CEP290: variants seen among roughly 807,000 people sequenced by gnomAD.
The protein encoded by CEP290 is centrosomal protein 290.
In CEP290, 317 loss-of-function variants were observed where a neutral mutation model predicts 344.9. The observed-to-expected ratio is 0.92, with a 90% CI of 0.84 to 1.01. The LOEUF is 1.01. Ranked by LOEUF, CEP290 falls within the 50% of genes least tolerant of loss-of-function variation. CEP290 has a pLI of 0.00. For missense variants in CEP290, 2,754 were observed against 2,761.4 expected (o/e 1.00, Z 0.06); for synonymous variants, 932 against 895.8 (o/e 1.04, Z -0.72).
At chr12:88,053,983 A>G (rs1181383927) in intron 51 of CEP290, among the ~76,000 whole-genome samples, 2 of 152,164 alleles carry the variant, frequency 1.3e-5, no homozygotes, top group Non-Finnish European at 2.9e-5. Context: ...TGGTTTCGTT[A>G]TAAGAGGAGC....
intron 13 of CEP290, among the ~76,000 whole-genome samples, chr12:88,121,613 CAAAAAAA>C (rs34457278): frequency 7.3e-6 from 1 of 136,976 alleles, no homozygotes; most frequent in Non-Finnish European, 1.6e-5. Context: ...ATGTGAATTT[CAAAAAAA>C]AAAAAAAAAA....
intron 9 of CEP290, 29 bp downstream of exon 9, chr12:88,130,239 T>C (rs745760338): frequency 6.4e-6 from 10 of 1,564,542 alleles, no homozygotes; most frequent in Non-Finnish European, 7.7e-6. Context: ...TAGGAACCAT[T>C]GCTCTGAATT....
intron 44 of CEP290, among the ~76,000 whole-genome samples, chr12:88,067,506 C>T (rs544453590): frequency 1.7e-4 from 26 of 152,314 alleles, no homozygotes; most frequent in African/African-American, 5.3e-4. Flanking sequence ...CACTAAGCCA[C>T]GGCATCAGCA....
intron 26 of CEP290, 69 bp downstream of exon 26, chr12:88,102,769 C>T (rs1318670244): frequency 9.2e-6 from 12 of 1,298,364 alleles, no homozygotes; most frequent in African/African-American, 1.5e-5. Context: ...TCTGCCAAAT[C>T]CCCCCAAACA....
intron 32 of CEP290, among the ~76,000 whole-genome samples, chr12:88,087,458 C>T (rs148324063): frequency 2.0e-5 from 3 of 152,154 alleles, no homozygotes; most frequent in Non-Finnish European, 4.4e-5. Flanking sequence ...TAGGGGCTCA[C>T]GCCTGTAATC....
Position 88,103,268 on chromosome 12 carries a change from T to A in CEP290, c.2818-257A>T, listed in dbSNP as rs1414146348. 5 of 221,682 alleles carry A rather than the reference T, an allele frequency of 2.3e-5. No individual in the cohort carries two copies. The East Asian group carries it at 4.8e-4, about 21-fold the overall frequency. 13.7% of individuals were successfully genotyped at this position (221,682 alleles called of 1,614,324 possible). ...TCATTGTAAAATAAAACTCAATTAA[T>A]TTGAGAAAACATAACAAACAGCAGG... On this transcript the variant is annotated intron_variant, in intron 25 of 53. Coordinates refer to ENST00000552810, the MANE Select transcript of CEP290 (RefSeq NM_025114.4).
intron 44 of CEP290, among the ~76,000 whole-genome samples, chr12:88,066,945 C>T (rs941178394): frequency 1.1e-4 from 16 of 152,282 alleles, no homozygotes; most frequent in South Asian, 4.1e-4. Context: ...ACAATATAGA[C>T]AGCAACACAT....
At position 88,128,991 on chromosome 12, in the gene CEP290, A is replaced by G; in HGVS notation, c.897T>C (p.Asp299=). The change falls in exon 11 of 54, where the codon GAT becomes GAC. Residue 299 remains aspartate (D), a synonymous_variant. Coordinates refer to ENST00000552810, the MANE Select transcript of CEP290 (RefSeq NM_025114.4). Reference sequence around the variant, plus strand: ...CATTGACAGCTACCATAATTGGATCATCTTCTTCATTTTTTGATTTCAGAA... The same window carrying G: ...CATTGACAGCTACCATAATTGGATCGTCTTCTTCATTTTTTGATTTCAGAA... ...TDLLKSKNEE[D]DPIMVAVNAK... The G allele has an allele frequency of 6.5e-7, 1 of 1,539,708 alleles. No individual in the cohort carries two copies. Among genetic ancestry groups the G allele is most frequent in the South Asian group, 1.3e-5 (1 of 75,462 alleles).
Position 88,139,522 on chromosome 12 carries a change from T to C in CEP290, c.223A>G (p.Lys75Glu), listed in dbSNP as rs779010679. The C allele has an allele frequency of 1.5e-5, 24 of 1,598,538 alleles. No individual in the cohort carries two copies. The highest frequency in any genetic ancestry group is 2.0e-5 in the Non-Finnish European group (24 of 1,173,690). Reference sequence around the variant, plus strand: ...AATTTTGCTTGTTCTTCTCCAGCTTTTTCTACTTCTTCCAAAGCCAGCTCC... The same window carrying C: ...AATTTTGCTTGTTCTTCTCCAGCTTCTTCTACTTCTTCCAAAGCCAGCTCC... ...EVELALEEVE[K>E]AGEEQAKFEN... Residue 75 changes from lysine to glutamate, a missense_variant, in exon 4 of 54, where the codon AAA becomes GAA. By Grantham distance (56) the Lys-to-Glu change is moderately conservative. Coordinates refer to ENST00000552810, the MANE Select transcript of CEP290 (RefSeq NM_025114.4).
At chr12:88,122,414 C>G (rs2039460934) in intron 13 of CEP290, among the ~76,000 whole-genome samples, 2 of 152,132 alleles carry the variant, frequency 1.3e-5, no homozygotes, top group South Asian at 4.1e-4. Context: ...ATGCTTAATT[C>G]TAGGCCATTA....
In CEP290 at chr12:88,055,694, T is replaced by G; in HGVS notation, c.6842A>C (p.Glu2281Ala). ...TTTTTTGGCAATATCAGTTTCCAAT[T>G]CTTTTAACTTGGTTTCATACATTCT... ...VTRMYETKLK[E>A]LETDIAKKNQ... The change falls in exon 50 of 54, where the codon GAA (glutamate) becomes GCA (alanine). Residue 2281 changes from glutamate (E) to alanine (A), a missense_variant. Transcript: ENST00000552810. 1 of 1,536,624 alleles carries G rather than the reference T, an allele frequency of 6.5e-7. No individual in the cohort carries two copies. The highest frequency in any genetic ancestry group is 8.8e-7 in the Non-Finnish European group (1 of 1,138,590).
chr12:88,140,610 T>C (rs989054757), intron 3 of CEP290, among the ~76,000 whole-genome samples: 1 of 152,234 alleles, frequency 6.6e-6, no homozygotes, highest in Non-Finnish European at 1.5e-5. Context: ...TCCTCAGTAT[T>C]GATCCTTTGT....
At chr12:88,102,584 G>T (rs1303630658) in intron 26 of CEP290, among the ~76,000 whole-genome samples, 1 of 152,062 alleles carries the variant, frequency 6.6e-6, no homozygotes, top group African/African-American at 2.4e-5. Flanking sequence ...GTGACCTAAG[G>T]AGAATGATCT....
In CEP290 at chr12:88,053,543, G is replaced by A. The variant is rs2033737758; in HGVS notation, c.7129+109C>T. The A allele has an allele frequency of 1.1e-5, 7 of 621,482 alleles. No homozygotes were observed. The East Asian group carries it at 2.0e-4, about 17-fold the overall frequency. The allele number at this position is 621,482 out of a possible 1,614,324, so 38.5% of individuals were successfully genotyped here. A position where few individuals can be genotyped will look rare whatever the true frequency, so the allele number is the denominator to read the frequency against. ...AAGACCCAAAGCTTATCAGGAATTC[G>A]ATTTTACAGGGAGACAATGATCAGA... On this transcript the variant is annotated intron_variant, in intron 52 of 53. Transcript: ENST00000552810.
intron 41 of CEP290, among the ~76,000 whole-genome samples, chr12:88,072,955 C>T (rs866080439): frequency 4.6e-5 from 7 of 151,880 alleles, no homozygotes; most frequent in African/African-American, 1.7e-4. Flanking sequence ...GAAAAAGAAA[C>T]GGAAGGGAAT....
At position 88,079,066 on chromosome 12, in the gene CEP290, T is replaced by G. The variant is rs1239187607; in HGVS notation, c.5364+26A>C. On this transcript the variant is annotated intron_variant, in intron 39 of 53. Transcript: ENST00000552810. The stretch of plus-strand genomic sequence containing the variant: ...CCAATAGGAATTATCAGAAATTTTG[T>G]TACATTAACACGTGTTGATGTTCAC... 2.0e-6 allele frequency: 3 copies of G among 1,509,424 alleles called. No individual in the cohort carries two copies. In the Admixed American group the frequency reaches 7.5e-5, roughly 38 times the overall value. 93.5% of individuals were successfully genotyped at this position (1,509,424 alleles called of 1,614,324 possible).
chr12:88,098,304 CAA>C (rs35589245), intron 26 of CEP290, among the ~76,000 whole-genome samples: 10 of 98,798 alleles, frequency 1.0e-4, no homozygotes, highest in Admixed American at 2.3e-4. Context: ...AACTCCATCT[CAA>C]AAAAAAAAAA....
intron 11 of CEP290, among the ~76,000 whole-genome samples, chr12:88,128,549 TC>T (rs1466186661): frequency 6.6e-6 from 1 of 152,108 alleles, no homozygotes; most frequent in Admixed American, 6.6e-5. Context: ...TTATTCCCAT[TC>T]CCACTGATGA....
intron 3 of CEP290, 29 bp downstream of exon 3, chr12:88,140,927 C>A: frequency 6.8e-7 from 1 of 1,469,460 alleles, no homozygotes; most frequent in Non-Finnish European, 9.3e-7. Flanking sequence ...AATAGCCAAA[C>A]CTATAGTTAA....
Sources: allele counts gnomAD v4.1 joint callset (sites outside exome capture counted in the v4.1 genomes callset), GRCh38; gene constraint gnomAD v4.1.1; transcripts MANE v1.5; gene names NCBI Gene and HGNC (gene_info 2026-07-23, HGNC 2026-07-21).